TMEM74: variants seen among roughly 807,000 people sequenced by gnomAD.
TMEM74 encodes transmembrane protein 74.
A neutral mutation model predicts 18.1 loss-of-function variants in TMEM74; 13 were observed. The observed-to-expected ratio is 0.72, with a 90% CI of 0.47 to 1.14. The LOEUF is 1.14. Ranked by LOEUF, TMEM74 falls within the 50% of genes most tolerant of loss-of-function variation. The pLI is 0.00. For synonymous variants in TMEM74, 159 were observed against 146.6 expected (o/e 1.08, Z -0.61); for missense variants, 372 against 375.9 (o/e 0.99, Z 0.09).
rs369132956 is a variant in TMEM74, at chr8:108,785,811, A to C, written c.-39-674T>G. On this transcript the variant is annotated intron_variant, in intron 1 of 1. Transcript: ENST00000297459. Reference sequence around the variant, plus strand: ...CCTAGTGACACAGCCCTGTATTTACAAGACCATATGCTGCTTATTCACTGT... The same window carrying C: ...CCTAGTGACACAGCCCTGTATTTACCAGACCATATGCTGCTTATTCACTGT... Among the ~76,000 whole-genome samples the C allele has an allele frequency of 4.6e-4, 70 of 152,312 alleles. No homozygotes were observed. In the South Asian group the frequency reaches 0.014, roughly 30 times the overall value.
intron 1 of TMEM74, among the ~76,000 whole-genome samples, chr8:108,737,424 T>A (rs137897990): frequency 1.3e-5 from 2 of 152,344 alleles, no homozygotes; most frequent in African/African-American, 4.8e-5. Context: ...AGATAGAATA[T>A]CACTTAGAAC....
chr8:108,619,786 A>T (rs1162471836), intron 2 of TMEM74, among the ~76,000 whole-genome samples: 1 of 152,200 alleles, frequency 6.6e-6, no homozygotes, highest in African/African-American at 2.4e-5. Flanking sequence ...AACGTAAAAA[A>T]GTCATTTATG....
chr8:108,731,235 C>A (rs1356838816), intron 1 of TMEM74, among the ~76,000 whole-genome samples: 1 of 151,498 alleles, frequency 6.6e-6, no homozygotes, highest in Non-Finnish European at 1.5e-5. Context: ...CCCCCCATCC[C>A]CCCCAAAAAA....
intron 1 of TMEM74, among the ~76,000 whole-genome samples, chr8:108,697,553 G>T (rs1200373386): frequency 6.6e-6 from 1 of 152,038 alleles, no homozygotes; most frequent in African/African-American, 2.4e-5. Flanking sequence ...ATGTAGCTGG[G>T]ACCACAGGCT....
chr8:108,701,784 G>C (rs1028628820), intron 1 of TMEM74, among the ~76,000 whole-genome samples: 1 of 152,130 alleles, frequency 6.6e-6, no homozygotes, highest in Non-Finnish European at 1.5e-5. Context: ...CATGTAAAGA[G>C]TCAGTATTGT....
chr8:108,768,096 A>G (rs1221415779), intron 1 of TMEM74, among the ~76,000 whole-genome samples: 5 of 152,162 alleles, frequency 3.3e-5, no homozygotes, highest in African/African-American at 7.2e-5. Flanking sequence ...CCAGTTCTCC[A>G]GACCCATACT....
intron 1 of TMEM74, among the ~76,000 whole-genome samples, chr8:108,709,618 C>T (rs1229274026): frequency 6.6e-6 from 1 of 151,936 alleles, no homozygotes. Flanking sequence ...AGAGTAGTGC[C>T]TATAGTTAAC....
intron 2 of TMEM74, among the ~76,000 whole-genome samples, chr8:108,617,798 C>T (rs1812400507): frequency 6.6e-6 from 1 of 151,906 alleles, no homozygotes. Flanking sequence ...AAAATTTTAC[C>T]TACTTGAGAA....
intron 2 of TMEM74, among the ~76,000 whole-genome samples, chr8:108,630,526 A>T (rs911598459): frequency 6.6e-6 from 1 of 152,060 alleles, no homozygotes; most frequent in Non-Finnish European, 1.5e-5. Flanking sequence ...CAGAATATAC[A>T]TTCTTCTCAG....
intron 2 of TMEM74, among the ~76,000 whole-genome samples, chr8:108,620,262 G>C (rs1046708297): frequency 6.6e-6 from 1 of 152,114 alleles, no homozygotes; most frequent in Admixed American, 6.6e-5. Flanking sequence ...GGGCAAAAAA[G>C]AGATAATCAT....
intron 2 of TMEM74, among the ~76,000 whole-genome samples, chr8:108,644,020 C>CA (rs1563738931): frequency 1.3e-5 from 2 of 151,790 alleles, no homozygotes; most frequent in East Asian, 1.9e-4. Context: ...CAGATAGAAC[C>CA]AAAAAAAGAG....
intron 2 of TMEM74, among the ~76,000 whole-genome samples, chr8:108,632,369 A>G (rs561907097): frequency 6.6e-6 from 1 of 152,164 alleles, no homozygotes; most frequent in Non-Finnish European, 1.5e-5. Flanking sequence ...ATCACAGATA[A>G]CAATAACAAA....
chr8:108,751,904 C>T (rs1007095166), intron 1 of TMEM74, among the ~76,000 whole-genome samples: 2 of 152,132 alleles, frequency 1.3e-5, no homozygotes, highest in East Asian at 1.9e-4. Context: ...GACAATGTTG[C>T]TAAGGAAGAG....
At chr8:108,718,067 T>C (rs1363904986) in intron 1 of TMEM74, among the ~76,000 whole-genome samples, 2 of 97,532 alleles carry the variant, frequency 2.1e-5, no homozygotes, top group Non-Finnish European at 3.5e-5. Flanking sequence ...CACGCCATTC[T>C]CCCGCCTCAG....
chr8:108,677,177 A>G lies in TMEM74; in HGVS notation n.120-21740T>C, dbSNP rs1360113375. Among the ~76,000 whole-genome samples, 8 of 152,290 alleles carry G rather than the reference A, an allele frequency of 5.3e-5. No homozygotes were observed. In the East Asian group the frequency reaches 1.4e-3, roughly 26 times the overall value. ...GTGACGTGAATACAGTTTCTGGGAG[A>G]GAATTTCTGGCATGGCTAGGAGTTG... On this transcript the variant is annotated intron_variant and non_coding_transcript_variant, in intron 1 of 3. Transcript: ENST00000518838.
intron 1 of TMEM74, among the ~76,000 whole-genome samples, chr8:108,757,247 G>C (rs962088885): frequency 4.0e-5 from 6 of 151,858 alleles, no homozygotes; most frequent in Non-Finnish European, 7.4e-5. Flanking sequence ...TGCTAGATTA[G>C]GACCATCTTA....
At chr8:108,698,023 G>T (rs536720961) in intron 1 of TMEM74, among the ~76,000 whole-genome samples, 4 of 151,946 alleles carry the variant, frequency 2.6e-5, no homozygotes, top group South Asian at 2.1e-4. Flanking sequence ...TGTTCATGTG[G>T]TTTTTTTTCC....
intron 2 of TMEM74, among the ~76,000 whole-genome samples, chr8:108,612,894 G>A (rs1487047072): frequency 6.6e-6 from 1 of 152,002 alleles, no homozygotes; most frequent in African/African-American, 2.4e-5. Flanking sequence ...TGCCTCATTG[G>A]CATTAAAATA....
chr8:108,677,101 A>G (rs1366734356), intron 1 of TMEM74, among the ~76,000 whole-genome samples: 2 of 152,228 alleles, frequency 1.3e-5, no homozygotes, highest in East Asian at 1.9e-4. Flanking sequence ...CTTGACTCCA[A>G]CATCTCACTT....
Sources: allele counts gnomAD v4.1 joint callset (sites outside exome capture counted in the v4.1 genomes callset), GRCh38; gene constraint gnomAD v4.1.1; transcripts MANE v1.5; gene names NCBI Gene and HGNC (gene_info 2026-07-23, HGNC 2026-07-21).